METTL2A: variants seen among roughly 807,000 people sequenced by gnomAD.
The protein encoded by METTL2A is tRNA N(3)-cytidine methyltransferase METTL2A.
Under a neutral mutation model 49.4 loss-of-function variants are expected in METTL2A, and 45 were observed. The observed-to-expected ratio is 0.91, with a 90% CI of 0.72 to 1.17. The LOEUF (loss-of-function observed/expected upper bound fraction) is 1.17, where lower values mean the gene tolerates loss of function less well. METTL2A is among the 50% of genes most tolerant of loss of function. The probability of loss-of-function intolerance (pLI) is 0.00; values close to 1 mark genes in which losing one functional copy is unlikely to be tolerated. For synonymous variants in METTL2A, 118 were observed against 167.5 expected (o/e 0.70, Z 2.28); for missense variants, 361 against 462.2 (o/e 0.78, Z 2.01).
In METTL2A at chr17:62,450,131, A is replaced by G. The variant is rs2070796493; in HGVS notation, c.*1402A>G. 1 of 151,984 alleles carries G rather than the reference A, an allele frequency of 6.6e-6. No individual in the cohort carries two copies. 9.4% of individuals were successfully genotyped at this position (151,984 alleles called of 1,614,324 possible). A position where few individuals can be genotyped will look rare whatever the true frequency, so the allele number is the denominator to read the frequency against. On this transcript the variant is annotated 3_prime_UTR_variant, in exon 9 of 9. Transcript: ENST00000311506. ...GAAAAGAATTTTCACTTTTTGCAAA[A>G]TTATCTTTTTTAATGCACCCTTAAG... is the stretch of plus-strand genomic sequence containing the variant.
At chr17:62,437,150 T>C (rs1225764343) in intron 5 of METTL2A, among the ~76,000 whole-genome samples, 2 of 150,680 alleles carry the variant, frequency 1.3e-5, no homozygotes, top group Non-Finnish European at 3.0e-5. Flanking sequence ...TTTTTTTTTT[T>C]TTTTGAGACA....
chr17:62,447,602 C>T, intron 7 of METTL2A, 99 bp from the exon 8 acceptor site: 1 of 1,335,194 alleles, frequency 7.5e-7, no homozygotes, highest in Non-Finnish European at 1.1e-6. Context: ...CAGGAGTGCT[C>T]TCCACCCAAC....
intron 7 of METTL2A, among the ~76,000 whole-genome samples, chr17:62,445,243 T>C (rs1420937348): frequency 6.6e-6 from 1 of 150,990 alleles, no homozygotes; most frequent in Non-Finnish European, 1.5e-5. Flanking sequence ...TGTATACATA[T>C]GTAATAAACC....
intron 5 of METTL2A, among the ~76,000 whole-genome samples, chr17:62,438,750 AATAG>A (rs2070718120): frequency 6.6e-6 from 1 of 152,098 alleles, no homozygotes; most frequent in Non-Finnish European, 1.5e-5. Context: ...CATCTACAGA[AATAG>A]ATTTTCCTGA....
At chr17:62,441,743 C>CTTT (rs148727051) in intron 6 of METTL2A, among the ~76,000 whole-genome samples, 1 of 134,588 alleles carries the variant, frequency 7.4e-6, no homozygotes, top group Non-Finnish European at 1.6e-5. Context: ...CTATGCTGGC[C>CTTT]TTTTTTTTTT....
intron 3 of METTL2A, 51 bp from the exon 4 acceptor site, chr17:62,427,737 G>A: frequency 3.1e-6 from 5 of 1,612,336 alleles, no homozygotes; most frequent in South Asian, 2.2e-5. Context: ...TCTAGCTTTA[G>A]GGAATTAACT....
At chr17:62,441,253 T>A (rs1481688827) in intron 6 of METTL2A, among the ~76,000 whole-genome samples, 1 of 152,232 alleles carries the variant, frequency 6.6e-6, no homozygotes, top group Non-Finnish European at 1.5e-5. Context: ...ACTTCTGTTC[T>A]GGCCTCGAAA....
chr17:62,433,022 G>T (rs2070676871), intron 4 of METTL2A, among the ~76,000 whole-genome samples: 2 of 152,200 alleles, frequency 1.3e-5, no homozygotes, highest in African/African-American at 2.4e-5. Flanking sequence ...CATTATAGAT[G>T]ATTTAATGTA....
Position 62,440,661 on chromosome 17 carries a change from C to T in METTL2A, c.714C>T (p.His238=), listed in dbSNP as rs763450754. ...YDPSRCFAFV[H]DLCDEEKSYP... ...CTTCTCGGTGTTTTGCCTTTGTTCA[C>T]GACCTGTGTGATGAAGAGAAGAGTT... The change falls in exon 6 of 9, where the codon CAC becomes CAT. Residue 238 remains histidine (H), a synonymous_variant. Transcript: ENST00000311506. The T allele has an allele frequency of 6.2e-6, 10 of 1,613,664 alleles. No individual in the cohort carries two copies. The highest frequency in any genetic ancestry group is 4.5e-5 in the East Asian group (2 of 44,882).
intron 4 of METTL2A, among the ~76,000 whole-genome samples, chr17:62,429,774 G>A (rs1382429144): frequency 6.6e-6 from 1 of 152,144 alleles, no homozygotes; most frequent in African/African-American, 2.4e-5. Context: ...GGGTTCAAGC[G>A]ATTCTCCTGC....
chr17:62,444,223 G>A (rs1285255134), intron 6 of METTL2A, among the ~76,000 whole-genome samples: 2 of 152,200 alleles, frequency 1.3e-5, no homozygotes, highest in Non-Finnish European at 2.9e-5. Context: ...GGGCAAAGAT[G>A]GCTATCTAGG....
chr17:62,439,764 GT>G (rs368721193), intron 5 of METTL2A, among the ~76,000 whole-genome samples: 9 of 151,016 alleles, frequency 6.0e-5, no homozygotes, highest in South Asian at 2.1e-4. Context: ...CCTTACGAAT[GT>G]TTTTTTTTCC....
chr17:62,437,769 C>T (rs1446364141), intron 5 of METTL2A, among the ~76,000 whole-genome samples: 2 of 151,738 alleles, frequency 1.3e-5, no homozygotes, highest in Non-Finnish European at 2.9e-5. Context: ...GTCAGGAGTT[C>T]GATACCATCC....
intron 8 of METTL2A, 69 bp from the exon 9 acceptor site, chr17:62,448,506 G>A: frequency 6.3e-7 from 1 of 1,588,432 alleles, no homozygotes. Context: ...TTTTAACAAG[G>A]ACTTAGTAGA....
At chr17:62,426,066 G>C (rs1214614711) in intron 2 of METTL2A, among the ~76,000 whole-genome samples, 1 of 151,786 alleles carries the variant, frequency 6.6e-6, no homozygotes, top group African/African-American at 2.4e-5. Flanking sequence ...TTCTCTGGTT[G>C]ATTGTTCAAA....
At chr17:62,437,821 AT>A (rs1406549647) in intron 5 of METTL2A, among the ~76,000 whole-genome samples, 1 of 152,072 alleles carries the variant, frequency 6.6e-6, no homozygotes, top group Non-Finnish European at 1.5e-5. Context: ...AAAATGTGAA[AT>A]TTAGCTGGGT....
intron 7 of METTL2A, among the ~76,000 whole-genome samples, chr17:62,446,737 G>A (rs1281963665): frequency 6.6e-6 from 1 of 152,206 alleles, no homozygotes; most frequent in African/African-American, 2.4e-5. Flanking sequence ...CCTCTGGATA[G>A]GGAGATGTTG....
At chr17:62,437,927 G>A (rs1598033996) in intron 5 of METTL2A, among the ~76,000 whole-genome samples, 1 of 149,776 alleles carries the variant, frequency 6.7e-6, no homozygotes, top group African/African-American at 2.5e-5. Flanking sequence ...AGCCGAGATC[G>A]CACCACTGCA....
intron 5 of METTL2A, among the ~76,000 whole-genome samples, chr17:62,438,531 G>A (rs1223211207): frequency 4.0e-5 from 6 of 148,274 alleles, no homozygotes; most frequent in African/African-American, 1.5e-4. Flanking sequence ...GCAGTGAGCC[G>A]AGATCGCACC....
Sources: allele counts gnomAD v4.1 joint callset (sites outside exome capture counted in the v4.1 genomes callset), GRCh38; gene constraint gnomAD v4.1.1; transcripts MANE v1.5; gene names NCBI Gene and HGNC (gene_info 2026-07-23, HGNC 2026-07-21).